The following TENM3 variants were observed in gnomAD, a reference collection of about 807,000 sequenced individuals.
The protein encoded by TENM3 is teneurin transmembrane protein 3.
Under a neutral mutation model 255.1 loss-of-function variants are expected in TENM3, and 63 were observed. The ratio of observed to expected loss-of-function variants is 0.25; its 90% CI spans 0.20 to 0.30. The LOEUF (loss-of-function observed/expected upper bound fraction) is 0.30. Among genes scored for constraint, TENM3 ranks in the 10% least tolerant of loss-of-function variants. The pLI is 1.00. For synonymous variants in TENM3, 1,306 were observed against 1,322.3 expected, an observed-to-expected ratio of 0.99 and a Z score of 0.27; for missense variants, 2,929 against 3,461.1, an observed-to-expected ratio of 0.85 and a Z score of 3.86.
At chr4:181,983,151 T>C in the TENM3 span, among the ~76,000 whole-genome samples, 1 of 152,186 alleles carries the variant, frequency 6.6e-6, no homozygotes, top group Non-Finnish European at 1.5e-5. Context: ...TTAGCCAGAA[T>C]GCAGCAGTAC....
chr4:182,138,524 A>G, the TENM3 span, among the ~76,000 whole-genome samples: 1 of 152,208 alleles, frequency 6.6e-6, no homozygotes, highest in African/African-American at 2.4e-5. Context: ...AGTCCTCCTG[A>G]GCAGACAGGA....
chr4:182,787,278 A>C (rs1290669846), intron 24 of TENM3, among the ~76,000 whole-genome samples: 1 of 152,172 alleles, frequency 6.6e-6, no homozygotes, highest in Non-Finnish European at 1.5e-5. Flanking sequence ...GATGGACAAA[A>C]CAGACTCAGA....
At chr4:181,629,807 T>C in the TENM3 span, among the ~76,000 whole-genome samples, 1 of 152,110 alleles carries the variant, frequency 6.6e-6, no homozygotes, top group Admixed American at 6.6e-5. Context: ...CTTTTTTTTG[T>C]TGTATCCCTG....
chr4:182,416,288 T>C (rs1253463449), intron 3 of TENM3, among the ~76,000 whole-genome samples: 1 of 152,192 alleles, frequency 6.6e-6, no homozygotes, highest in East Asian at 1.9e-4. Context: ...TTCTGAGACA[T>C]CTAGGAATGT....
chr4:182,080,610 G>A, the TENM3 span, among the ~76,000 whole-genome samples: 3 of 152,094 alleles, frequency 2.0e-5, no homozygotes, highest in South Asian at 2.1e-4. Context: ...ATTCATAAAC[G>A]TGCATGGAAG....
intron 3 of TENM3, among the ~76,000 whole-genome samples, chr4:182,356,671 C>T (rs1001857833): frequency 4.6e-5 from 7 of 151,630 alleles, no homozygotes; most frequent in East Asian, 1.9e-4. Context: ...TGGGTAACTG[C>T]GAGTCCCTGA....
chr4:182,139,690 G>T (rs949378071), upstream of TENM3, among the ~76,000 whole-genome samples: 9 of 152,212 alleles, frequency 5.9e-5, no homozygotes, highest in African/African-American at 2.2e-4. Context: ...AAAACCGAAA[G>T]TTCCACATGT....
chr4:182,321,363 C>T (rs1355164069), intron 1 of TENM3, among the ~76,000 whole-genome samples: 1 of 152,134 alleles, frequency 6.6e-6, no homozygotes, highest in African/African-American at 2.4e-5. Flanking sequence ...CGGTGGCTCA[C>T]TCCTGTAATC....
chr4:181,936,637 A>C, the TENM3 span, among the ~76,000 whole-genome samples: 1 of 152,258 alleles, frequency 6.6e-6, no homozygotes, highest in East Asian at 1.9e-4. Context: ...AGAGAATAGC[A>C]GGGAAGACAA....
At chr4:182,755,531 GA>G (rs1187934927) in intron 22 of TENM3, among the ~76,000 whole-genome samples, 5 of 151,978 alleles carry the variant, frequency 3.3e-5, no homozygotes, top group African/African-American at 1.2e-4. Context: ...GACAGAGCCA[GA>G]ACGTATCTCT....
intron 1 of TENM3, among the ~76,000 whole-genome samples, chr4:182,295,951 A>T (rs569967369): frequency 2.0e-5 from 3 of 152,092 alleles, no homozygotes; most frequent in South Asian, 2.1e-4. Flanking sequence ...CATTATTATT[A>T]TTTTTTTATT....
chr4:182,133,024 G>A, the TENM3 span, among the ~76,000 whole-genome samples: 1 of 152,158 alleles, frequency 6.6e-6, no homozygotes, highest in Admixed American at 6.5e-5. Flanking sequence ...TAGGCCAGGC[G>A]AGTCAGGAGG....
the TENM3 span, among the ~76,000 whole-genome samples, chr4:182,064,864 T>C: frequency 2.6e-5 from 4 of 152,056 alleles, no homozygotes; most frequent in Non-Finnish European, 5.9e-5. Context: ...CCTACAAAAT[T>C]CCTTCCACCC....
chr4:182,709,122 A>G (rs918018822), intron 12 of TENM3, among the ~76,000 whole-genome samples: 1 of 152,062 alleles, frequency 6.6e-6, no homozygotes, highest in Non-Finnish European at 1.5e-5. Flanking sequence ...AGCTGGGACT[A>G]CAGGCACGCA....
chr4:182,263,711 T>C (rs1759034189), intron 1 of TENM3, among the ~76,000 whole-genome samples: 1 of 152,150 alleles, frequency 6.6e-6, no homozygotes, highest in Non-Finnish European at 1.5e-5. Context: ...CCACGGACAG[T>C]GCTTTTTATT....
At chr4:182,143,438 C>CG (rs1561133278), upstream of TENM3, 1 of 166,940 alleles carries the variant, frequency 6.0e-6, no homozygotes, top group East Asian at 1.9e-4. The surrounding 1 kb of genome is among the most constrained non-coding windows in gnomAD (Gnocchi z 4.3). Flanking sequence ...GGCCGCCTAC[C>CG]GGGGGTGGAA....
At chr4:182,137,749 C>T in the TENM3 span, among the ~76,000 whole-genome samples, 1 of 152,056 alleles carries the variant, frequency 6.6e-6, no homozygotes, top group Non-Finnish European at 1.5e-5. Flanking sequence ...TTCTGTGCAG[C>T]TTTTTTAATT....
intron 3 of TENM3, among the ~76,000 whole-genome samples, chr4:182,423,314 C>T (rs1307477164): frequency 2.0e-5 from 3 of 152,120 alleles, no homozygotes; most frequent in Admixed American, 6.5e-5. Flanking sequence ...CACTCCTTCA[C>T]GTCTTTAAAA....
chr4:181,982,274 A>T, the TENM3 span, among the ~76,000 whole-genome samples: 2 of 152,232 alleles, frequency 1.3e-5, no homozygotes, highest in African/African-American at 2.4e-5. Context: ...GAACAAGAAC[A>T]GCTACCATGA....
Sources: gnomAD v4.1 joint callset for allele counts (sites outside exome capture counted in the v4.1 genomes callset) on GRCh38, gnomAD v4.1.1 for gene constraint, Gnocchi (gnomAD v3.1) non-coding constraint, MANE v1.5 for transcripts, NCBI Gene and HGNC (gene_info 2026-07-23, HGNC 2026-07-21) for gene names.